SPMAP2: variants seen among roughly 807,000 people sequenced by gnomAD.
SPMAP2 encodes Theg homolog.
the SPMAP2 span, among the ~76,000 whole-genome samples, chr19:362,807 C>T: frequency 0.3 from 42,515 of 142,840 alleles, 9,293 homozygotes; most frequent in African/African-American, 0.63. Context: ...CCCATTCAAA[C>T]GGCCTGCTCA....
At chr19:375,567 C>A in the SPMAP2 span, 1 of 1,312,868 alleles carries the variant, frequency 7.6e-7, no homozygotes, top group South Asian at 1.6e-5. Flanking sequence ...CGGTTACGAC[C>A]CTTTCGCCCG....
the SPMAP2 span, among the ~76,000 whole-genome samples, chr19:373,786 G>A: frequency 6.6e-6 from 1 of 152,034 alleles, no homozygotes; most frequent in Non-Finnish European, 1.5e-5. Flanking sequence ...CCTGGGAGCA[G>A]ACCCAGGTCA....
At chr19:373,471 G>C in the SPMAP2 span, 2 of 1,613,218 alleles carry the variant, frequency 1.2e-6, no homozygotes, top group Non-Finnish European at 8.5e-7. Context: ...TCCACCTACC[G>C]GGCACTGTGA....
chr19:371,636 C>A, the SPMAP2 span, among the ~76,000 whole-genome samples: 1 of 152,188 alleles, frequency 6.6e-6, no homozygotes, highest in Non-Finnish European at 1.5e-5. Flanking sequence ...CTTCTCCATT[C>A]CCTTCTGGGA....
At chr19:374,144 T>G in the SPMAP2 span, 1 of 1,464,398 alleles carries the variant, frequency 6.8e-7, no homozygotes, top group South Asian at 1.2e-5. Context: ...TCTGGCCACC[T>G]CCTTAACTGG....
chr19:369,240 C>T, the SPMAP2 span, among the ~76,000 whole-genome samples: 43 of 152,288 alleles, frequency 2.8e-4, 2 homozygotes, highest in East Asian at 5.8e-3. Flanking sequence ...ACGCGAGAAA[C>T]GGCCAAAACG....
chr19:364,653 G>T, the SPMAP2 span, among the ~76,000 whole-genome samples: 2 of 152,124 alleles, frequency 1.3e-5, no homozygotes, highest in African/African-American at 2.4e-5. Flanking sequence ...TGTCATGGTG[G>T]TAAGTGGGTC....
the SPMAP2 span, chr19:373,846 T>G: frequency 8.3e-7 from 1 of 1,206,304 alleles, no homozygotes; most frequent in Non-Finnish European, 1.2e-6. Context: ...TCCTCCTCCC[T>G]GGAGAGAGGA....
chr19:367,346 T>G, the SPMAP2 span: 1 of 957,652 alleles, frequency 1.0e-6, no homozygotes, highest in East Asian at 2.9e-5. Flanking sequence ...AGAAGTTGGT[T>G]TGTAATGTAT....
chr19:370,771 G>A, the SPMAP2 span, among the ~76,000 whole-genome samples: 2 of 152,210 alleles, frequency 1.3e-5, no homozygotes, highest in African/African-American at 4.8e-5. Flanking sequence ...AACTACCGAC[G>A]CACGCGAGAG....
chr19:374,549 T>TCCCTCAGAGAC, the SPMAP2 span: 1 of 1,313,430 alleles, frequency 7.6e-7, no homozygotes, highest in Non-Finnish European at 1.0e-6. Flanking sequence ...GCCTCTCCTT[T>TCCCTCAGAGAC]CCCTCGAGGG....
the SPMAP2 span, among the ~76,000 whole-genome samples, chr19:370,898 G>C: frequency 6.6e-6 from 1 of 152,172 alleles, no homozygotes; most frequent in South Asian, 2.1e-4. Flanking sequence ...GTTGCCGGTG[G>C]CCAGGAGTCC....
At chr19:371,335 C>T in the SPMAP2 span, 2 of 1,429,960 alleles carry the variant, frequency 1.4e-6, no homozygotes, top group South Asian at 1.6e-5. Flanking sequence ...GGGGGAGGTC[C>T]CCATTTTAGA....
chr19:364,327 G>A, the SPMAP2 span, among the ~76,000 whole-genome samples: 3 of 110,900 alleles, frequency 2.7e-5, no homozygotes, highest in Admixed American at 2.5e-4. Context: ...ACAGAGCGAA[G>A]CTCTGTCTCA....
At chr19:362,381 C>T in the SPMAP2 span, 9 of 1,607,920 alleles carry the variant, frequency 5.6e-6, no homozygotes, top group East Asian at 4.5e-5. Flanking sequence ...CACCTCCCAG[C>T]GAGGATCTCG....
chr19:367,411 A>G, the SPMAP2 span, among the ~76,000 whole-genome samples: 1 of 151,892 alleles, frequency 6.6e-6, no homozygotes, highest in East Asian at 1.9e-4. Context: ...ACCAATAACC[A>G]AAAAAACCCC....
the SPMAP2 span, among the ~76,000 whole-genome samples, chr19:375,491 C>A: frequency 6.6e-6 from 1 of 152,158 alleles, no homozygotes; most frequent in Admixed American, 6.5e-5. Context: ...GCCAACCGAC[C>A]AAGCCCACAC....
chr19:369,192 C>T, the SPMAP2 span, among the ~76,000 whole-genome samples: 48 of 152,238 alleles, frequency 3.2e-4, no homozygotes, highest in Non-Finnish European at 5.0e-4. Flanking sequence ...TAGGAGAAGA[C>T]GCGACCACAC....
chr19:363,319 A>G, the SPMAP2 span, among the ~76,000 whole-genome samples: 2 of 151,582 alleles, frequency 1.3e-5, no homozygotes, highest in Non-Finnish European at 2.9e-5. Context: ...CAGCCTCCTG[A>G]GTAGCTGGGA....
Sources: gnomAD v4.1 joint callset for allele counts (sites outside exome capture counted in the v4.1 genomes callset) on GRCh38, gnomAD v4.1.1 for gene constraint, MANE v1.5 for transcripts, NCBI Gene and HGNC (gene_info 2026-07-23, HGNC 2026-07-21) for gene names.